Variants in BHMT observed in about 807,000 individuals in gnomAD.
BHMT encodes betaine--homocysteine S-methyltransferase 1.
A neutral mutation model predicts 49.5 loss-of-function variants in BHMT; 38 were observed. That is an observed-to-expected ratio of 0.77 (90% CI 0.59 to 1.01). The LOEUF is 1.01. BHMT is among the 50% of genes least tolerant of loss of function. BHMT has a pLI of 0.00. For synonymous variants in BHMT, 166 were observed against 176.3 expected (o/e 0.94, Z 0.46); for missense variants, 426 against 495.7 (o/e 0.86, Z 1.34).
At chr5:79,125,611 A>G (rs978643420) in intron 5 of BHMT, among the ~76,000 whole-genome samples, 1 of 152,152 alleles carries the variant, frequency 6.6e-6, no homozygotes, top group Non-Finnish European at 1.5e-5. Context: ...GGGAATGAGG[A>G]CCTAATGCTA....
intron 7 of BHMT, among the ~76,000 whole-genome samples, chr5:79,128,665 C>T (rs1224658217): frequency 6.6e-6 from 1 of 151,996 alleles, no homozygotes; most frequent in East Asian, 1.9e-4. Context: ...GAGTTAAGGA[C>T]CACTTAAGTA....
At position 79,131,177 on chromosome 5, in the gene BHMT, C is replaced by A; in HGVS notation, c.*61C>A. 6.7e-7 allele frequency: 1 copy of A among 1,502,250 alleles called. No individual in the cohort carries two copies. Among genetic ancestry groups the A allele is most frequent in the Admixed American group, 2.0e-5 (1 of 50,214 alleles). 93.1% of individuals were successfully genotyped at this position (1,502,250 alleles called of 1,614,324 possible). A position where few individuals can be genotyped will look rare whatever the true frequency, so the allele number is the denominator to read the frequency against. ...GTTTGGGTCACAGTTCCTACAAATA[C>A]GGAAAAGGGGGTTAAAAAGCAGTGC... On this transcript the variant is annotated 3_prime_UTR_variant, in exon 8 of 8. Coordinates refer to ENST00000274353, the MANE Select transcript of BHMT (RefSeq NM_001713.3).
chr5:79,122,004 C>T (rs1418996529), intron 5 of BHMT, among the ~76,000 whole-genome samples: 1 of 151,486 alleles, frequency 6.6e-6, no homozygotes, highest in African/African-American at 2.4e-5. Context: ...TGCAATGGCG[C>T]AATCTTGGCT....
chr5:79,128,279 G>T, intron 7 of BHMT: 1 of 278,496 alleles, frequency 3.6e-6, no homozygotes, highest in South Asian at 5.2e-5. Flanking sequence ...CCAGCACTTT[G>T]GGAGGCCAAG....
rs776825529 is a variant in BHMT at position 79,121,351 on chromosome 5, G to T, written c.611G>T (p.Arg204Leu). Residue 204 changes from arginine (R) to leucine (L), a missense_variant, in exon 5 of 8, where the codon CGC (arginine) becomes CTC (leucine). Physicochemically the swap from Arg to Leu is moderately radical, Grantham distance 102. Around this residue, in one of 3 missense-constraint regions of BHMT, gnomAD observed 321 missense variants for 355.9 expected, o/e 0.90. Transcript: ENST00000274353. ...GTGCCCCCCGGCGAGTGTGCAGTGC[G>T]CCTGGTGAAAGCAGGTGATGATAGA... Reference protein sequence around the residue: ...HGVPPGECAVRLVKAGASIIG... With the variant: ...HGVPPGECAVLLVKAGASIIG... 1 of 1,614,128 alleles carries T rather than the reference G, an allele frequency of 6.2e-7. No homozygotes were observed. Among genetic ancestry groups the T allele is most frequent in the Non-Finnish European group, 8.5e-7 (1 of 1,179,966 alleles).
rs540938167 is a variant in BHMT at position 79,132,192 on chromosome 5, A to C, written c.*1076A>C. 16 of 152,228 alleles carry C rather than the reference A, an allele frequency of 1.1e-4. No individual in the cohort carries two copies. The highest frequency in any genetic ancestry group is 1.8e-4 in the Non-Finnish European group (12 of 68,042). The allele number at this position is 152,228 out of a possible 1,614,324, so 9.4% of individuals were successfully genotyped here. ...ACATGACTACCCTCAGTGTATTAGA[A>C]AAGAGGTCATGCAGCTTTCTAAACA... On this transcript the variant is annotated 3_prime_UTR_variant, in exon 8 of 8. Coordinates refer to ENST00000274353, the MANE Select transcript of BHMT (RefSeq NM_001713.3).
At chr5:79,121,165 A>AAAG in intron 4 of BHMT, 53 bp from the exon 5 acceptor site, 4 of 1,579,732 alleles carry the variant, frequency 2.5e-6, no homozygotes, top group Non-Finnish European at 3.4e-6. Context: ...AAAAAAAAAA[A>AAAG]ATTGTTTTGG....
In BHMT at chr5:79,121,306, CAGA is replaced by C. The variant is rs1395632520; in HGVS notation, c.569_571del (p.Glu190del). The C allele has an allele frequency of 1.2e-6, 2 of 1,614,070 alleles. No homozygotes were observed. The highest frequency in any genetic ancestry group is 1.7e-6 in the Non-Finnish European group (2 of 1,180,040). On this transcript the variant is annotated inframe_deletion, in exon 5 of 8. Coordinates refer to ENST00000274353, the MANE Select transcript of BHMT (RefSeq NM_001713.3). Reference sequence around the variant, plus strand: ...GTGGCAGCAACCATGTGCATTGGCCCAGAAGGAGATTTGCATGGCGTGCCCCCC... The same window carrying C: ...GTGGCAGCAACCATGTGCATTGGCCCAGGAGATTTGCATGGCGTGCCCCCC...
Position 79,120,417 on chromosome 5 carries a change from T to TA in BHMT, c.354dup (p.Ala119SerfsTer12). 1 of 1,613,970 alleles carries TA rather than the reference T, an allele frequency of 6.2e-7. No homozygotes were observed. The highest frequency in any genetic ancestry group is 8.5e-7 in the Non-Finnish European group (1 of 1,179,946). On this transcript the variant is annotated frameshift_variant, in exon 4 of 8. Transcript: ENST00000274353. LOFTEE classifies it high-confidence loss of function. ...GTGGCTGATGAAGGAGATGCTTTGGTAGCAGGAGGAGTGAGTCAGACACCT... is the reference window on the plus strand; with the variant it reads ...GTGGCTGATGAAGGAGATGCTTTGGTAAGCAGGAGGAGTGAGTCAGACACCT...
chr5:79,114,472 C>T (rs966267602), intron 1 of BHMT, among the ~76,000 whole-genome samples: 5 of 152,126 alleles, frequency 3.3e-5, no homozygotes, highest in African/African-American at 1.2e-4. Context: ...GAGGGAGGTT[C>T]TAAGAAGGTG....
Position 79,130,989 on chromosome 5 carries a change from C to A in BHMT, c.1094C>A (p.Pro365His). ...ATAGCCTCAGGCCGGCCATACAACC[C>A]TTCAATGTCAAAGCCAGATGGCTGG... The part of the protein sequence containing the change: ...LRIASGRPYN[P>H]SMSKPDGWGV... Residue 365 changes from proline (P) to histidine (H), a missense_variant, in exon 8 of 8, where the codon CCT becomes CAT. By Grantham distance (77) the Pro-to-His change is moderately conservative. This residue lies in a region of BHMT where 73 missense variants were observed against 68.3 expected (regional missense o/e 1.07). Coordinates refer to ENST00000274353, the MANE Select transcript of BHMT (RefSeq NM_001713.3). The A allele has an allele frequency of 6.2e-7, 1 of 1,613,952 alleles. No individual in the cohort carries two copies. Among genetic ancestry groups the A allele is most frequent in the Non-Finnish European group, 8.5e-7 (1 of 1,179,984 alleles).
intron 5 of BHMT, 150 bp downstream of exon 5, chr5:79,121,515 AG>A (rs1756472266): frequency 1.4e-5 from 18 of 1,246,668 alleles, no homozygotes; most frequent in Non-Finnish European, 1.8e-5. Flanking sequence ...TGAATCCCAG[AG>A]GAAAAGTTTT....
At chr5:79,114,187 A>C (rs1374835953) in intron 1 of BHMT, among the ~76,000 whole-genome samples, 1 of 151,688 alleles carries the variant, frequency 6.6e-6, no homozygotes, top group Non-Finnish European at 1.5e-5. Context: ...TGACATTTAG[A>C]TACATTGCAA....
chr5:79,124,824 TA>T (rs1447897518), intron 5 of BHMT, among the ~76,000 whole-genome samples: 1 of 152,242 alleles, frequency 6.6e-6, no homozygotes, highest in Non-Finnish European at 1.5e-5. Context: ...GATAGGCTAG[TA>T]ACCACATTGA....
intron 6 of BHMT, 47 bp downstream of exon 6, chr5:79,126,275 G>T: frequency 5.0e-6 from 8 of 1,586,572 alleles, no homozygotes; most frequent in Non-Finnish European, 6.9e-6. Context: ...CATTTGATAT[G>T]CATATAAACT....
At chr5:79,125,685 C>A (rs1489985914) in intron 5 of BHMT, among the ~76,000 whole-genome samples, 1 of 152,024 alleles carries the variant, frequency 6.6e-6, no homozygotes, top group Admixed American at 6.6e-5. Context: ...TGCCTGTAAT[C>A]CCAGCAGTCT....
In BHMT at chr5:79,120,350, G is replaced by A. The variant is rs374780042; in HGVS notation, c.286G>A (p.Gly96Arg). The change falls in exon 4 of 8, where the codon GGG (glycine) becomes AGG (arginine). Residue 96 changes from glycine (G) to arginine (R), a missense_variant and splice_region_variant. Gly to Arg is a moderately radical substitution (Grantham distance 125). This residue lies in a region of BHMT where 321 missense variants were observed against 355.9 expected (regional missense o/e 0.90). Transcript: ENST00000274353. Reference protein sequence around the residue: ...RGNYVLEKISGQEVNEAACDI... With the variant: ...RGNYVLEKISRQEVNEAACDI... ...TGTCTCATATACTCACCCATTTTAG[G>A]GGCAGGAAGTCAATGAAGCTGCTTG... The A allele has an allele frequency of 3.1e-6, 5 of 1,602,194 alleles. No homozygotes were observed. The highest frequency in any genetic ancestry group is 4.3e-6 in the Non-Finnish European group (5 of 1,176,234).
In BHMT at chr5:79,121,768, T is replaced by C. The variant is rs190834231; in HGVS notation, c.625+403T>C. Reference sequence around the variant, plus strand: ...AGGCGGAGCTTGCAGTGAGCCGAGATTGCGCCACTGCACTCCAGCCTGGGC... The same window carrying C: ...AGGCGGAGCTTGCAGTGAGCCGAGACTGCGCCACTGCACTCCAGCCTGGGC... On this transcript the variant is annotated intron_variant, in intron 5 of 7. Transcript: ENST00000274353. 5.0e-3 allele frequency among the ~76,000 whole-genome samples: 745 copies of C among 148,098 alleles called. 4 individuals carry two copies. The highest frequency in any genetic ancestry group is 0.018 in the African/African-American group (705 of 40,064).
chr5:79,129,385 G>C (rs1756603263), intron 7 of BHMT, among the ~76,000 whole-genome samples: 1 of 152,214 alleles, frequency 6.6e-6, no homozygotes, highest in Non-Finnish European at 1.5e-5. Flanking sequence ...TACATTGCTA[G>C]AGGAACAGCC....
Sources: allele counts gnomAD v4.1 joint callset (sites outside exome capture counted in the v4.1 genomes callset), GRCh38; gene constraint gnomAD v4.1.1; regional missense constraint gnomAD v4.1.1; transcripts MANE v1.5; gene names NCBI Gene and HGNC (gene_info 2026-07-23, HGNC 2026-07-21).